The following ITGA11 variants were observed in gnomAD, a reference collection of about 807,000 sequenced individuals.
ITGA11 encodes the protein integrin alpha-11.
Under a neutral mutation model 141.9 loss-of-function variants are expected in ITGA11, and 97 were observed. The ratio of observed to expected loss-of-function variants is 0.68; its 90% CI spans 0.58 to 0.81. The LOEUF (loss-of-function observed/expected upper bound fraction) is 0.81. ITGA11 is among the 30% of genes least tolerant of loss of function. ITGA11 has a pLI of 0.00. For synonymous variants in ITGA11, 658 were observed against 624.6 expected, an observed-to-expected ratio of 1.05 and a Z score of -0.80; for missense variants, 1,387 against 1,559.2, an observed-to-expected ratio of 0.89 and a Z score of 1.86.
chr15:68,400,858 TAAA>T (rs1411072218), intron 2 of ITGA11, among the ~76,000 whole-genome samples: 1 of 36,614 alleles, frequency 2.7e-5, no homozygotes, highest in African/African-American at 1.2e-4. Flanking sequence ...TATTATATAA[TAAA>T]TATAATATTA....
Position 68,320,410 on chromosome 15 carries a change from C to A in ITGA11, c.2409-18G>T. On this transcript the variant is annotated intron_variant, in intron 19 of 29. Coordinates refer to ENST00000315757, the MANE Select transcript of ITGA11 (RefSeq NM_001004439.2). ...AGTACTCCCTGAGAACAAGAGACCA[C>A]CAGAGACTGGGCAGATGGAATGAGG... 6.4e-7 allele frequency: 1 copy of A among 1,561,494 alleles called. No homozygotes were observed. Among genetic ancestry groups the A allele is most frequent in the Non-Finnish European group, 8.7e-7 (1 of 1,151,122 alleles).
rs763407027 is a variant in ITGA11, at chr15:68,332,400, C to T, written c.1504G>A (p.Ala502Thr). ...CGGCCCTCGTTGAAGTACATGGGTG[C>T]GCCCACCAGCAGGACATCAGTCACG... ...DGVTDVLLVG[A>T]PMYFNEGRER... The change falls in exon 13 of 30, where the codon GCA (alanine) becomes ACA (threonine). Residue 502 changes from alanine (A) to threonine (T), a missense_variant. Transcript: ENST00000315757. The T allele has an allele frequency of 1.5e-5, 24 of 1,610,158 alleles. No homozygotes were observed. Among genetic ancestry groups the T allele is most frequent in the Middle Eastern group, 1.6e-4 (1 of 6,062 alleles).
At chr15:68,349,363 G>T (rs151090011) in intron 9 of ITGA11, among the ~76,000 whole-genome samples, 77 of 152,294 alleles carry the variant, frequency 5.1e-4, no homozygotes, top group African/African-American at 1.8e-3. Context: ...TCAGAGGGAG[G>T]TCTGTCACCA....
rs1220834044 is a variant in ITGA11 at position 68,325,150 on chromosome 15, G to A, written c.2303C>T (p.Pro768Leu). 1.2e-6 allele frequency: 2 copies of A among 1,613,800 alleles called. No individual in the cohort carries two copies. The highest frequency in any genetic ancestry group is 2.2e-5 in the South Asian group (2 of 91,058). ...ATGTACCGAGACTCTGAGAGTGGTG[G>A]GCCAGCCGTCGTCCAGCATGGGGCC... ...DHGPMLDDGW[P>L]TTLRVSVPFW... The change falls in exon 18 of 30, where the codon CCC (proline) becomes CTC (leucine). Residue 768 changes from proline to leucine, a missense_variant. Physicochemically the swap from Pro to Leu is moderately conservative, Grantham distance 98. Transcript: ENST00000315757. This position sits in a 1 kb window ranked among gnomAD's most constrained non-coding sequence, Gnocchi z 5.5.
chr15:68,409,804 G>A (rs1896732386), intron 1 of ITGA11, among the ~76,000 whole-genome samples: 1 of 152,192 alleles, frequency 6.6e-6, no homozygotes, highest in Non-Finnish European at 1.5e-5. Context: ...AGAAAACTGA[G>A]GCACAAAGAA....
chr15:68,324,472 T>C lies in ITGA11; in HGVS notation c.2322+659A>G, dbSNP rs932877156. Among the ~76,000 whole-genome samples, 1 of 152,184 alleles carries C rather than the reference T, an allele frequency of 6.6e-6. No homozygotes were observed. The highest frequency in any genetic ancestry group is 6.5e-5 in the Admixed American group (1 of 15,284). ...ATTAGCTATTCCATTTTATAACTTT[T>C]GCCTGCTCTTGCAGCACAGCAGCAG... On this transcript the variant is annotated intron_variant, in intron 18 of 29. Transcript: ENST00000315757. The surrounding 1 kb of genome is among the most constrained non-coding windows in gnomAD (Gnocchi z 6.3).
chr15:68,300,162 C>T lies in ITGA11; in HGVS notation c.*2897G>A, dbSNP rs1217550703. On this transcript the variant is annotated 3_prime_UTR_variant, in exon 30 of 30. Transcript: ENST00000315757. ...GTTTAATGTGCTTAGAATTACCTCACAGAGCTTGGATCCATGAAGTCTGAG... is the reference window on the plus strand; with the variant it reads ...GTTTAATGTGCTTAGAATTACCTCATAGAGCTTGGATCCATGAAGTCTGAG... 1 of 152,224 alleles carries T rather than the reference C, an allele frequency of 6.6e-6. No homozygotes were observed. The highest frequency in any genetic ancestry group is 6.5e-5 in the Admixed American group (1 of 15,280). The allele number at this position is 152,224 out of a possible 1,614,324, so 9.4% of individuals were successfully genotyped here.
At chr15:68,369,099 A>G in intron 3 of ITGA11, 85 bp downstream of exon 3, 1 of 919,058 alleles carries the variant, frequency 1.1e-6, no homozygotes, top group Non-Finnish European at 1.8e-6. Flanking sequence ...AGTCAGTGTG[A>G]CCATGGACAT....
chr15:68,377,593 TCTC>T (rs1237051981), intron 2 of ITGA11, among the ~76,000 whole-genome samples: 2 of 152,114 alleles, frequency 1.3e-5, no homozygotes, highest in Non-Finnish European at 2.9e-5. Flanking sequence ...TTGAAAGCCT[TCTC>T]CTTCCCCTTC....
At chr15:68,313,265 A>G (rs1042947665) in intron 23 of ITGA11, among the ~76,000 whole-genome samples, 3 of 147,538 alleles carry the variant, frequency 2.0e-5, no homozygotes, top group African/African-American at 7.6e-5. Flanking sequence ...CCATCTGCCC[A>G]TGAGCTCTCA....
intron 1 of ITGA11, among the ~76,000 whole-genome samples, chr15:68,416,614 T>C (rs1010689030): frequency 5.9e-5 from 9 of 152,274 alleles, no homozygotes; most frequent in Admixed American, 5.9e-4. Context: ...AGAGAATATA[T>C]GGATCATCTT....
Position 68,402,989 on chromosome 15 carries a change from C to A in ITGA11, c.93G>T (p.Arg31=). ...AGGCGGTCCTGGAGCCAGGGATGAC[C>A]CGGGGCTTCCTGGTGTCCATGTTGA... ...DTFNMDTRKP[R]VIPGSRTAFF... The change falls in exon 2 of 30, where the codon CGG becomes CGT. Residue 31 remains arginine, a synonymous_variant. Coordinates refer to ENST00000315757, the MANE Select transcript of ITGA11 (RefSeq NM_001004439.2). 1 of 1,613,690 alleles carries A rather than the reference C, an allele frequency of 6.2e-7. No individual in the cohort carries two copies.
rs1346524523 is a variant in ITGA11 at position 68,315,824 on chromosome 15, G to C, written c.2716-97C>G. The C allele has an allele frequency of 1.1e-5, 11 of 1,024,198 alleles. No homozygotes were observed. In the South Asian group the frequency reaches 1.8e-4, roughly 17 times the overall value. 63.4% of individuals were successfully genotyped at this position (1,024,198 alleles called of 1,614,324 possible). A position where few individuals can be genotyped will look rare whatever the true frequency, so the allele number is the denominator to read the frequency against. On this transcript the variant is annotated intron_variant, in intron 21 of 29. Coordinates refer to ENST00000315757, the MANE Select transcript of ITGA11 (RefSeq NM_001004439.2). ...ACAGCCCCCTGCTGGCTTGGGGAGA[G>C]GGAGCTTGCTGGGGGTTGGGGAGCT...
At chr15:68,413,833 C>G (rs1056754168) in intron 1 of ITGA11, among the ~76,000 whole-genome samples, 2 of 152,152 alleles carry the variant, frequency 1.3e-5, no homozygotes, top group African/African-American at 4.8e-5. Flanking sequence ...TAATGTTGGC[C>G]GGAGCCATGC....
Position 68,400,764 on chromosome 15 carries a change from ATATATTATATAATAAATAT to A in ITGA11, c.164+2135_164+2153del, listed in dbSNP as rs1372573693. On this transcript the variant is annotated intron_variant, in intron 2 of 29. Coordinates refer to ENST00000315757, the MANE Select transcript of ITGA11 (RefSeq NM_001004439.2). Reference sequence around the variant, plus strand: ...ATTATATAATAAATATTATAATATTATATATTATATAATAAATATTATATTATATATTATATAATAAATA... The same window carrying A: ...ATTATATAATAAATATTATAATATTATATATTATATATTATATAATAAATA... Among the ~76,000 whole-genome samples the A allele has an allele frequency of 1.2e-3, 33 of 28,008 alleles. 2 individuals carry two copies. The highest frequency in any genetic ancestry group is 6.8e-3 in the Admixed American group (9 of 1,328). The allele number at this position is 28,008 out of a possible 152,430, so 18.4% of individuals were successfully genotyped here.
rs28480552 is a variant in ITGA11, at chr15:68,419,309, C to T, written c.52+12706G>A. 2.6e-3 allele frequency among the ~76,000 whole-genome samples: 395 copies of T among 152,244 alleles called. 2 individuals are homozygous for T. Among genetic ancestry groups the T allele is most frequent in the Middle Eastern group, 6.8e-3 (2 of 294 alleles). On this transcript the variant is annotated intron_variant, in intron 1 of 29. Transcript: ENST00000315757. Reference sequence around the variant, plus strand: ...GCTACTTTTAGGTCCTTAAAGGAGTCAAGGGCTCATGACTCCATCTGCCTT... The same window carrying T: ...GCTACTTTTAGGTCCTTAAAGGAGTTAAGGGCTCATGACTCCATCTGCCTT...
intron 3 of ITGA11, among the ~76,000 whole-genome samples, chr15:68,367,188 C>G (rs562496541): frequency 5.3e-5 from 8 of 152,222 alleles, no homozygotes; most frequent in African/African-American, 1.9e-4. Flanking sequence ...GGTCTCATGG[C>G]TTTATGTCTC....
At chr15:68,358,359 C>T (rs994846068) in intron 6 of ITGA11, 99 bp downstream of exon 6, 13 of 1,360,548 alleles carry the variant, frequency 9.6e-6, no homozygotes, top group Non-Finnish European at 1.2e-5. Context: ...ACCTACACCT[C>T]CTTCGTGCAT....
At chr15:68,411,762 G>A (rs898576) in intron 1 of ITGA11, among the ~76,000 whole-genome samples, 61,957 of 152,066 alleles carry the variant, frequency 0.41, 14,004 homozygotes, top group East Asian at 0.72. Flanking sequence ...CCCCAACCTT[G>A]ACTTTGGGCT....
Sources: gnomAD v4.1 joint callset for allele counts (sites outside exome capture counted in the v4.1 genomes callset) on GRCh38, gnomAD v4.1.1 for gene constraint, Gnocchi (gnomAD v3.1) non-coding constraint, MANE v1.5 for transcripts, NCBI Gene and HGNC (gene_info 2026-07-23, HGNC 2026-07-21) for gene names.